POR: variants seen among roughly 807,000 people sequenced by gnomAD.
POR encodes NADPH--cytochrome P450 reductase.
In POR, 56 loss-of-function variants were observed where a neutral mutation model predicts 84.0. The ratio of observed to expected loss-of-function variants is 0.67; its 90% CI spans 0.54 to 0.83. The LOEUF is 0.83. Ranked by LOEUF, POR falls within the 40% of genes least tolerant of loss-of-function variation. The pLI, the probability that POR is intolerant of heterozygous loss-of-function variation, is 0.00. For synonymous variants in POR, 414 were observed against 400.5 expected (o/e 1.03, Z -0.40); for missense variants, 938 against 944.3 (o/e 0.99, Z 0.09).
chr7:75,942,409 G>A (rs975140825), intron 1 of POR, among the ~76,000 whole-genome samples: 9 of 152,056 alleles, frequency 5.9e-5, no homozygotes, highest in Admixed American at 2.6e-4. Context: ...TGGTCAGGGA[G>A]CATAAATTTT....
intron 3 of POR, among the ~76,000 whole-genome samples, chr7:75,976,499 C>T (rs1280883168): frequency 1.3e-5 from 2 of 149,860 alleles, no homozygotes; most frequent in Non-Finnish European, 3.0e-5. Context: ...AATCCCAGCA[C>T]TTTGGGAGGC....
At chr7:75,980,188 C>T (rs1423364000) in intron 4 of POR, 151 bp from the exon 5 acceptor site, 4 of 910,402 alleles carry the variant, frequency 4.4e-6, no homozygotes, top group South Asian at 3.5e-5. Flanking sequence ...CCAGCCCCTC[C>T]GTGTTGTTAC....
intron 1 of POR, among the ~76,000 whole-genome samples, chr7:75,916,289 C>T (rs1806564328): frequency 6.6e-6 from 1 of 152,184 alleles, no homozygotes; most frequent in Non-Finnish European, 1.5e-5. Flanking sequence ...TCTGGGGGAT[C>T]CAGTATCCCC....
intron 3 of POR, among the ~76,000 whole-genome samples, chr7:75,978,128 C>T (rs782659462): frequency 6.6e-6 from 1 of 152,118 alleles, no homozygotes; most frequent in Non-Finnish European, 1.5e-5. Context: ...TAGGGACCCT[C>T]GGTATATTTC....
intron 2 of POR, among the ~76,000 whole-genome samples, chr7:75,955,922 T>TA (rs1787667277): frequency 6.6e-6 from 1 of 152,200 alleles, no homozygotes; most frequent in Admixed American, 6.5e-5. Context: ...CCAGAACACT[T>TA]ACAGCCTTCA....
At chr7:75,953,248 C>T (rs1175265679) in intron 1 of POR, among the ~76,000 whole-genome samples, 2 of 138,698 alleles carry the variant, frequency 1.4e-5, no homozygotes, top group Non-Finnish European at 3.0e-5. Context: ...AGGGAGGTTG[C>T]AGTGAGCCGA....
At chr7:75,979,659 G>A in intron 4 of POR, 80 bp downstream of exon 4, 1 of 1,562,154 alleles carries the variant, frequency 6.4e-7, no homozygotes, top group South Asian at 1.1e-5. Flanking sequence ...CCCCTCAGCA[G>A]GGGGAGGCCG....
rs1244383489 is a variant in POR at position 75,985,675 on chromosome 7, G to T, written c.1495G>T (p.Ala499Ser). ...GGGCGTGGCCACCAACTGGCTGCGG[G>T]CCAAGGAGCCTGCCGGGGAGAACGG... The change falls in exon 13 of 16, where the codon GCC (alanine) becomes TCC (serine). Residue 499 changes from alanine to serine, a missense_variant. Transcript: ENST00000461988. 3 of 1,594,306 alleles carry T rather than the reference G, an allele frequency of 1.9e-6. No individual in the cohort carries two copies. The highest frequency in any genetic ancestry group is 1.1e-5 in the South Asian group (1 of 87,656).
At chr7:75,962,547 C>T (rs1288025019) in intron 2 of POR, among the ~76,000 whole-genome samples, 1 of 152,230 alleles carries the variant, frequency 6.6e-6, no homozygotes, top group African/African-American at 2.4e-5. Context: ...AAGTGATCCT[C>T]TTGCCTCAGC....
intron 1 of POR, among the ~76,000 whole-genome samples, chr7:75,928,872 G>A (rs557794151): frequency 2.1e-4 from 32 of 152,108 alleles, no homozygotes; most frequent in South Asian, 6.3e-4. Context: ...GCTAGCTGCC[G>A]GCAAGTACGC....
intron 10 of POR, 124 bp downstream of exon 10, chr7:75,983,980 GA>G: frequency 1.4e-6 from 1 of 714,748 alleles, no homozygotes; most frequent in Non-Finnish European, 2.2e-6. Context: ...CCCTTGCACC[GA>G]GACTCCACGG....
chr7:75,955,676 C>A (rs1787655631), intron 2 of POR, among the ~76,000 whole-genome samples: 1 of 152,206 alleles, frequency 6.6e-6, no homozygotes, highest in Admixed American at 6.5e-5. Flanking sequence ...TTCATTCTGT[C>A]TGTCTTCAGG....
At chr7:75,972,626 C>G (rs1466496894) in intron 3 of POR, 165 bp downstream of exon 3, 1 of 708,696 alleles carries the variant, frequency 1.4e-6, no homozygotes, top group Admixed American at 2.0e-5. Flanking sequence ...TAACCAAAGC[C>G]CTGAAGCAGC....
intron 3 of POR, among the ~76,000 whole-genome samples, chr7:75,978,144 A>G (rs575361076): frequency 2.1e-4 from 32 of 152,342 alleles, no homozygotes; most frequent in Middle Eastern, 3.4e-3. Flanking sequence ...ATTTCTTGCC[A>G]GTCTGTTTTC....
At chr7:75,962,118 C>A (rs1005609978) in intron 2 of POR, among the ~76,000 whole-genome samples, 14 of 152,160 alleles carry the variant, frequency 9.2e-5, no homozygotes, top group African/African-American at 3.1e-4. Flanking sequence ...TCGTTAGATA[C>A]CCAGACAACA....
intron 2 of POR, among the ~76,000 whole-genome samples, chr7:75,963,862 G>A (rs1326217119): frequency 2.2e-4 from 33 of 152,104 alleles, no homozygotes; most frequent in African/African-American, 8.0e-4. Flanking sequence ...GGTCATGGAG[G>A]GAGCTGACAC....
chr7:75,927,145 C>T (rs1048935939), intron 1 of POR, among the ~76,000 whole-genome samples: 3 of 152,178 alleles, frequency 2.0e-5, no homozygotes, highest in South Asian at 2.1e-4. Flanking sequence ...GGACAAGGTC[C>T]TTTAACCTTT....
At chr7:75,981,403 G>A (rs1585129500) in intron 6 of POR, 114 bp from the exon 7 acceptor site, 1 of 1,244,920 alleles carries the variant, frequency 8.0e-7, no homozygotes, top group South Asian at 1.3e-5. Flanking sequence ...GGTGCCCCAG[G>A]GTGCACAGTC....
intron 1 of POR, among the ~76,000 whole-genome samples, chr7:75,953,780 A>C (rs1787555778): frequency 6.6e-6 from 1 of 152,128 alleles, no homozygotes; most frequent in African/African-American, 2.4e-5. Flanking sequence ...TGCTGACACC[A>C]CTGGGGGCTG....
Sources: gnomAD v4.1 joint callset for allele counts (sites outside exome capture counted in the v4.1 genomes callset) on GRCh38, gnomAD v4.1.1 for gene constraint, MANE v1.5 for transcripts, NCBI Gene and HGNC (gene_info 2026-07-23, HGNC 2026-07-21) for gene names.